ADAMTSL1: variants seen among roughly 807,000 people sequenced by gnomAD.
The protein encoded by ADAMTSL1 is ADAMTS like 1, also known as ADAMTS-like protein 1.
A neutral mutation model predicts 201.8 loss-of-function variants in ADAMTSL1; 126 were observed. The ratio of observed to expected loss-of-function variants is 0.62; its 90% confidence interval spans 0.54 to 0.72. ADAMTSL1 has a LOEUF of 0.72. ADAMTSL1 is among the 30% of genes least tolerant of loss of function. ADAMTSL1 has a pLI of 0.00. For missense variants in ADAMTSL1, 2,679 were observed against 2,277.8 expected (o/e 1.18, Z -3.59); for synonymous variants, 1,121 against 903.4 (o/e 1.24, Z -4.32).
At chr9:18,166,390 A>G (rs1192868223) in intron 2 of ADAMTSL1, among the ~76,000 whole-genome samples, 2 of 151,952 alleles carry the variant, frequency 1.3e-5, no homozygotes, top group East Asian at 1.9e-4. Context: ...GAATTCCATC[A>G]CGGAATATGC....
Position 18,770,701 on chromosome 9 carries a change from T to C in ADAMTSL1, c.2317T>C (p.Ser773Pro), listed in dbSNP as rs762422189. 4.3e-6 allele frequency: 7 copies of C among 1,613,724 alleles called. No individual in the cohort carries two copies. Residue 773 changes from serine to proline, a missense_variant, in exon 17 of 29, where the codon TCA (serine) becomes CCA (proline). Ser to Pro is a moderately conservative substitution (Grantham distance 74). Coordinates refer to ENST00000380548, the MANE Select transcript of ADAMTSL1 (RefSeq NM_001040272.6). ...CCTGGAGCTTCCTGAGACCTTCTGT[T>C]CAGCTTCAAAACCTGCCTGCCAGCA... ...SFLELPETFC[S>P]ASKPACQQAC...
At chr9:18,024,316 G>T (rs887008539) in intron 1 of ADAMTSL1, among the ~76,000 whole-genome samples, 1 of 151,872 alleles carries the variant, frequency 6.6e-6, no homozygotes. Context: ...TTGCTAAATG[G>T]TATATTGTGT....
intron 2 of ADAMTSL1, among the ~76,000 whole-genome samples, chr9:18,283,182 C>T (rs929304967): frequency 2.0e-5 from 3 of 152,128 alleles, no homozygotes; most frequent in African/African-American, 7.2e-5. Context: ...GATCCTTTAT[C>T]ATTATAAAAT....
intron 7 of ADAMTSL1, among the ~76,000 whole-genome samples, chr9:18,646,537 A>G (rs1827822106): frequency 6.8e-6 from 1 of 146,850 alleles, no homozygotes; most frequent in African/African-American, 2.6e-5. Flanking sequence ...TGTCACAGAT[A>G]GCTCTTATTA....
chr9:18,875,850 G>A (rs1828112720), intron 23 of ADAMTSL1, among the ~76,000 whole-genome samples: 1 of 152,088 alleles, frequency 6.6e-6, no homozygotes, highest in Admixed American at 6.6e-5. Context: ...GATTATTGAA[G>A]TCTCCACAAT....
At chr9:18,071,758 C>G (rs534534405) in intron 1 of ADAMTSL1, among the ~76,000 whole-genome samples, 1 of 152,182 alleles carries the variant, frequency 6.6e-6, no homozygotes, top group Non-Finnish European at 1.5e-5. Flanking sequence ...GTGCCCATAC[C>G]TCAGAGTACA....
chr9:18,677,655 A>G (rs1026474781), intron 10 of ADAMTSL1, among the ~76,000 whole-genome samples: 2 of 151,968 alleles, frequency 1.3e-5, no homozygotes, highest in Non-Finnish European at 2.9e-5. Flanking sequence ...TGCCTATATT[A>G]GGTTAAAATT....
chr9:18,907,966 G>C (rs1475226322), intron 28 of ADAMTSL1: 2 of 184,232 alleles, frequency 1.1e-5, no homozygotes, highest in Non-Finnish European at 2.3e-5. Context: ...CCTGGGGATG[G>C]GGGCACCCGA....
chr9:17,954,228 C>T (rs1827843818), intron 1 of ADAMTSL1, among the ~76,000 whole-genome samples: 2 of 152,178 alleles, frequency 1.3e-5, no homozygotes, highest in African/African-American at 2.4e-5. Flanking sequence ...CTAGAGTAAG[C>T]ATTTCAAGAG....
intron 2 of ADAMTSL1, among the ~76,000 whole-genome samples, chr9:18,522,875 A>G (rs539217730): frequency 1.3e-5 from 2 of 152,222 alleles, no homozygotes; most frequent in African/African-American, 4.8e-5. Flanking sequence ...AGTCTTTGCT[A>G]TTGTGAATAG....
intron 1 of ADAMTSL1, among the ~76,000 whole-genome samples, chr9:18,477,901 A>T (rs1031346684): frequency 6.6e-6 from 1 of 152,166 alleles, no homozygotes; most frequent in Non-Finnish European, 1.5e-5. Context: ...AGAGTGTCCA[A>T]TAGTGGTCAC....
At position 18,795,532 on chromosome 9, in the gene ADAMTSL1, A is replaced by C. The variant is rs932092138; in HGVS notation, c.3805+8A>C. 6.2e-7 allele frequency: 1 copy of C among 1,604,332 alleles called. No homozygotes were observed. Among genetic ancestry groups the C allele is most frequent in the Non-Finnish European group, 8.5e-7 (1 of 1,174,978 alleles). The stretch of plus-strand genomic sequence containing the variant: ...TTGCCGTCACATTAGCAGGTAACCC[A>C]AAAATCCCTGTTCTGTTCATTTCAT... On this transcript the variant is annotated splice_region_variant and intron_variant, in intron 20 of 28. Transcript: ENST00000380548.
chr9:18,393,927 AG>A (rs1246559824), intron 2 of ADAMTSL1, among the ~76,000 whole-genome samples: 1 of 152,222 alleles, frequency 6.6e-6, no homozygotes, highest in African/African-American at 2.4e-5. Flanking sequence ...TCTGACTACT[AG>A]TTGGTAAACA....
At chr9:18,449,323 G>T (rs529834094) in intron 2 of ADAMTSL1, among the ~76,000 whole-genome samples, 9 of 151,374 alleles carry the variant, frequency 5.9e-5, no homozygotes, top group African/African-American at 2.2e-4. Context: ...TAAATAGCTT[G>T]ACATGCAAAA....
At chr9:18,776,039 A>G in intron 18 of ADAMTSL1, 143 bp downstream of exon 18, 1 of 1,157,170 alleles carries the variant, frequency 8.6e-7, no homozygotes, top group Admixed American at 2.8e-5. Flanking sequence ...CAGGCAGGAG[A>G]GCTCAGCTGG....
At chr9:18,686,885 G>A (rs1225469726) in intron 13 of ADAMTSL1, among the ~76,000 whole-genome samples, 2 of 152,112 alleles carry the variant, frequency 1.3e-5, no homozygotes. Flanking sequence ...CTAAAGATCC[G>A]ATTAAGATGC....
intron 2 of ADAMTSL1, among the ~76,000 whole-genome samples, chr9:18,222,004 C>T (rs558253717): frequency 7.9e-5 from 12 of 151,914 alleles, no homozygotes; most frequent in South Asian, 6.2e-4. Flanking sequence ...TGTATCTTCC[C>T]GAGTCTTAAA....
Position 17,981,802 on chromosome 9 carries a change from G to T in ADAMTSL1, c.87+74880G>T, listed in dbSNP as rs568447348. 4.6e-5 allele frequency among the ~76,000 whole-genome samples: 7 copies of T among 152,262 alleles called. No individual in the cohort carries two copies. In the South Asian group the frequency reaches 1.0e-3, roughly 23 times the overall value. ...TTACCCCAGGACATCTTTCTCTGTA[G>T]CTCCTAGAAGCTGGTGAGGGTGAGG... On this transcript the variant is annotated intron_variant, in intron 1 of 29. Coordinates refer to the ADAMTSL1 transcript ENST00000680146.
chr9:18,185,781 T>C (rs1797070528), intron 2 of ADAMTSL1, among the ~76,000 whole-genome samples: 1 of 152,160 alleles, frequency 6.6e-6, no homozygotes, highest in Non-Finnish European at 1.5e-5. Flanking sequence ...TAATTATGAC[T>C]CCAAGTTTAC....
Sources: allele counts gnomAD v4.1 joint callset (sites outside exome capture counted in the v4.1 genomes callset), GRCh38; gene constraint gnomAD v4.1.1; transcripts MANE v1.5; gene names NCBI Gene and HGNC (gene_info 2026-07-23, HGNC 2026-07-21).